Variants in ZFYVE21 observed in about 807,000 individuals in gnomAD.
ZFYVE21 encodes zinc finger FYVE domain-containing protein 21.
A neutral mutation model predicts 29.5 loss-of-function variants in ZFYVE21; 21 were observed. That is an observed-to-expected ratio of 0.71 (90% CI 0.50 to 1.02). ZFYVE21 has a LOEUF of 1.02. ZFYVE21 is among the 50% of genes least tolerant of loss of function. ZFYVE21 has a pLI of 0.00. For missense variants in ZFYVE21, 326 were observed against 335.4 expected (o/e 0.97, Z 0.22); for synonymous variants, 151 against 133.8 (o/e 1.13, Z -0.89).
chr14:103,733,090 C>T lies in ZFYVE21; in HGVS notation c.*72C>T. The T allele has an allele frequency of 6.3e-7, 1 of 1,591,998 alleles. No individual in the cohort carries two copies. Among genetic ancestry groups the T allele is most frequent in the Non-Finnish European group, 8.6e-7 (1 of 1,160,736 alleles). On this transcript the variant is annotated 3_prime_UTR_variant, in exon 7 of 7. Coordinates refer to ENST00000311141, the MANE Select transcript of ZFYVE21 (RefSeq NM_024071.4). Reference sequence around the variant, plus strand: ...GTCGCTTGGAACAGCAGAGCCTGCTCCTTGCGTACCACAGGGATTAATCCT... The same window carrying T: ...GTCGCTTGGAACAGCAGAGCCTGCTTCTTGCGTACCACAGGGATTAATCCT...
chr14:103,729,426 T>C, intron 5 of ZFYVE21: 1 of 577,612 alleles, frequency 1.7e-6, no homozygotes, highest in Non-Finnish European at 3.1e-6. Flanking sequence ...CATGTCATAA[T>C]GATTTCCTCT....
chr14:103,716,420 G>A lies in ZFYVE21; in HGVS notation c.138+441G>A, dbSNP rs995529703. Among the ~76,000 whole-genome samples the A allele has an allele frequency of 4.6e-5, 7 of 152,100 alleles. No individual in the cohort carries two copies. The highest frequency in any genetic ancestry group is 1.7e-4 in the African/African-American group (7 of 41,432). On this transcript the variant is annotated intron_variant, in intron 1 of 6. Coordinates refer to ENST00000311141, the MANE Select transcript of ZFYVE21 (RefSeq NM_024071.4). The surrounding 1 kb of genome is among the most constrained non-coding windows in gnomAD (Gnocchi z 4.8). ...TCGGTGGGGAGGGCGCGTGCTGTCC[G>A]CGGAAGCGCTGGAGCTGGCGGCCCC...
intron 1 of ZFYVE21, among the ~76,000 whole-genome samples, chr14:103,718,709 A>G (rs537361158): frequency 6.6e-6 from 1 of 152,308 alleles, no homozygotes; most frequent in Middle Eastern, 3.4e-3. Context: ...GCTTGTCACA[A>G]GCAGCTGAGA....
At chr14:103,729,990 A>G in intron 5 of ZFYVE21, 1 of 898,202 alleles carries the variant, frequency 1.1e-6, no homozygotes, top group Non-Finnish European at 1.7e-6. Context: ...CTTAAGAGAG[A>G]TGTTGGATCT....
intron 5 of ZFYVE21, chr14:103,730,971 G>GGGGTGGGGGTGC (rs1445222720): frequency 6.6e-6 from 1 of 152,410 alleles, no homozygotes; most frequent in African/African-American, 2.4e-5. Flanking sequence ...CCCAGTGTTG[G>GGGGTGGGGGTGC]GGGTGGGGGT....
intron 1 of ZFYVE21, chr14:103,725,133 G>T (rs1393715305): frequency 1.3e-5 from 2 of 152,312 alleles, no homozygotes; most frequent in African/African-American, 2.4e-5. Flanking sequence ...CTGTTAGAGC[G>T]GGGGAGCCGG....
intron 2 of ZFYVE21, 105 bp downstream of exon 2, chr14:103,726,947 CG>C (rs1398237900): frequency 6.8e-5 from 46 of 680,476 alleles, no homozygotes; most frequent in Non-Finnish European, 1.0e-4. Context: ...TCTTATGGCT[CG>C]TTTTTTTTTT....
intron 6 of ZFYVE21, 25 bp from the exon 7 acceptor site, chr14:103,732,958 T>C: frequency 6.2e-7 from 1 of 1,614,108 alleles, no homozygotes; most frequent in Non-Finnish European, 8.5e-7. Flanking sequence ...CAGGCCTCAC[T>C]GTGTTGATCT....
rs747997330 is a variant in ZFYVE21, at chr14:103,726,763, G to A, written c.139-29G>A. ...GCGACGTGGTGAGTGACCAAGCTGC[G>A]TTTTAACGCTTTGTCGTGTCTTTCC... On this transcript the variant is annotated intron_variant, in intron 1 of 6. Coordinates refer to ENST00000311141, the MANE Select transcript of ZFYVE21 (RefSeq NM_024071.4). 14 of 1,613,098 alleles carry A rather than the reference G, an allele frequency of 8.7e-6. No homozygotes were observed. In the Admixed American group the frequency reaches 1.3e-4, roughly 15 times the overall value.
rs1317475042 is a variant in ZFYVE21, at chr14:103,715,928, CT to C, written c.89del (p.Phe30SerfsTer89). 1 of 1,431,342 alleles carries C rather than the reference CT, an allele frequency of 7.0e-7. No individual in the cohort carries two copies. Among genetic ancestry groups the C allele is most frequent in the South Asian group, 1.3e-5 (1 of 74,740 alleles). 88.7% of individuals were successfully genotyped at this position (1,431,342 alleles called of 1,614,324 possible). A position where few individuals can be genotyped will look rare whatever the true frequency, so the allele number is the denominator to read the frequency against. ...GLRMVPEHRA[F>X]GSPFGLEEPQ... ...TGCGCATGGTGCCCGAACACCGCGC[CT>C]TCGGAAGCCCGTTCGGCCTGGAGGA... On this transcript the variant is annotated frameshift_variant, in exon 1 of 7. Coordinates refer to ENST00000311141, the MANE Select transcript of ZFYVE21 (RefSeq NM_024071.4). LOFTEE classifies it high-confidence loss of function.
intron 1 of ZFYVE21, among the ~76,000 whole-genome samples, chr14:103,721,146 G>T (rs989487126): frequency 6.6e-6 from 1 of 152,016 alleles, no homozygotes; most frequent in African/African-American, 2.4e-5. Context: ...TTCATTGCTC[G>T]CGGCCATCTT....
intron 2 of ZFYVE21, chr14:103,727,316 G>A (rs2083936581): frequency 1.9e-5 from 7 of 367,910 alleles, no homozygotes; most frequent in South Asian, 1.0e-4. Flanking sequence ...TCTGCCGGAC[G>A]CTATGGGGTG....
intron 5 of ZFYVE21, chr14:103,731,622 G>A (rs1369674191): frequency 6.6e-6 from 1 of 152,168 alleles, no homozygotes; most frequent in Non-Finnish European, 1.5e-5. Context: ...AAAAAAAAAT[G>A]TGGTTCCGGG....
At chr14:103,724,374 T>C (rs2151951650) in intron 1 of ZFYVE21, 1 of 152,370 alleles carries the variant, frequency 6.6e-6, no homozygotes, top group Middle Eastern at 3.4e-3. Context: ...TGCTTGTCGG[T>C]GCCAGCACAG....
chr14:103,720,240 T>C (rs997467086), intron 1 of ZFYVE21, among the ~76,000 whole-genome samples: 2 of 152,262 alleles, frequency 1.3e-5, no homozygotes, highest in East Asian at 1.9e-4. Flanking sequence ...TTTAGTCTTA[T>C]TGGTTCTCTC....
At chr14:103,729,874 C>T (rs1339274721) in intron 5 of ZFYVE21, 12 of 1,535,652 alleles carry the variant, frequency 7.8e-6, no homozygotes, top group Non-Finnish European at 8.7e-6. Context: ...CACCGGGGCT[C>T]CCCGCATGCA....
At chr14:103,726,659 C>T in intron 1 of ZFYVE21, 133 bp from the exon 2 acceptor site, 1 of 1,161,214 alleles carries the variant, frequency 8.6e-7, no homozygotes, top group South Asian at 1.4e-5. Flanking sequence ...TGCGTCACAA[C>T]CCTGCCTGCC....
At chr14:103,728,316 G>C (rs969121861) in intron 3 of ZFYVE21, among the ~76,000 whole-genome samples, 4 of 152,214 alleles carry the variant, frequency 2.6e-5, no homozygotes, top group African/African-American at 9.6e-5. Flanking sequence ...TGGGGACCTG[G>C]TGTGGGAGAA....
intron 1 of ZFYVE21, among the ~76,000 whole-genome samples, chr14:103,721,825 G>C (rs1054105675): frequency 6.6e-6 from 1 of 152,196 alleles, no homozygotes; most frequent in South Asian, 2.1e-4. Context: ...GTTCTTGGAG[G>C]TTTTAGTTTC....
Sources: gnomAD v4.1 joint callset for allele counts (sites outside exome capture counted in the v4.1 genomes callset) on GRCh38, gnomAD v4.1.1 for gene constraint, Gnocchi (gnomAD v3.1) non-coding constraint, MANE v1.5 for transcripts, NCBI Gene and HGNC (gene_info 2026-07-23, HGNC 2026-07-21) for gene names.